The following SENP7 variants were observed in gnomAD, a reference collection of about 807,000 sequenced individuals.
SENP7 encodes SUMO specific peptidase 7, also known as sentrin-specific protease 7.
SENP7 carries 64 observed loss-of-function variants against 141.2 expected under a neutral mutation model. The ratio of observed to expected loss-of-function variants is 0.45; its 90% CI spans 0.37 to 0.56. The LOEUF is 0.56. Among genes scored for constraint, SENP7 ranks in the 20% least tolerant of loss-of-function variants. SENP7 has a pLI of 0.00. For synonymous variants in SENP7, 382 were observed against 426.4 expected, an observed-to-expected ratio of 0.90 and a Z score of 1.28; for missense variants, 1,025 against 1,212.2, an observed-to-expected ratio of 0.85 and a Z score of 2.29.
chr3:101,404,160 C>T (rs2061233373), intron 5 of SENP7, among the ~76,000 whole-genome samples: 1 of 152,092 alleles, frequency 6.6e-6, no homozygotes, highest in Non-Finnish European at 1.5e-5. Flanking sequence ...CCTTACATCC[C>T]TTCAAACCAT....
At chr3:101,463,054 T>A (rs1007006676) in intron 3 of SENP7, among the ~76,000 whole-genome samples, 3 of 151,646 alleles carry the variant, frequency 2.0e-5, no homozygotes, top group Non-Finnish European at 4.4e-5. Flanking sequence ...TTTCTACACA[T>A]CAATAACAAA....
rs138046947 is a variant in SENP7 at position 101,379,252 on chromosome 3, T to C, written c.678-7126A>G. 7.9e-5 allele frequency among the ~76,000 whole-genome samples: 12 copies of C among 152,308 alleles called. No individual in the cohort carries two copies. The East Asian group carries it at 2.3e-3, about 29-fold the overall frequency. ...ATTAACACAAAATGGATCAGAGACC[T>C]AAGCATAAGGCATAAAGCTATTTTG... On this transcript the variant is annotated intron_variant, in intron 6 of 23. Transcript: ENST00000394095.
chr3:101,442,580 G>A (rs2062721807), intron 4 of SENP7, among the ~76,000 whole-genome samples: 1 of 152,016 alleles, frequency 6.6e-6, no homozygotes, highest in Non-Finnish European at 1.5e-5. Flanking sequence ...TGGCTCCAGG[G>A]GTTGGGGATC....
chr3:101,364,554 T>C (rs1295919768), intron 10 of SENP7, among the ~76,000 whole-genome samples: 1 of 152,134 alleles, frequency 6.6e-6, no homozygotes, highest in Non-Finnish European at 1.5e-5. Context: ...AAAATGTTAG[T>C]GAAATGTCCA....
intron 4 of SENP7, among the ~76,000 whole-genome samples, chr3:101,442,374 G>A (rs1470661308): frequency 1.3e-5 from 2 of 152,152 alleles, no homozygotes; most frequent in African/African-American, 4.8e-5. Context: ...CATCAGGCAT[G>A]AGATTCTCAC....
rs9682848 is a variant in SENP7 at position 101,451,263 on chromosome 3, T to A, written c.284+7692A>T. On this transcript the variant is annotated intron_variant, in intron 4 of 23. Transcript: ENST00000394095. ...CAAAAAAGTCCAGGACCAGATGGAT[T>A]CACAGCCGAATTCTACCAGAGGTAC... Among the ~76,000 whole-genome samples the A allele has an allele frequency of 8.5e-3, 1,290 of 152,304 alleles. 22 individuals carry two copies. Among genetic ancestry groups the A allele is most frequent in the African/African-American group, 0.03 (1,250 of 41,552 alleles).
intron 4 of SENP7, among the ~76,000 whole-genome samples, chr3:101,418,318 T>G (rs2061685002): frequency 6.6e-6 from 1 of 151,260 alleles, no homozygotes; most frequent in Non-Finnish European, 1.5e-5. Flanking sequence ...CCTATACCAA[T>G]TTCAAAAAAA....
chr3:101,413,886 G>T (rs1191657223), intron 5 of SENP7, among the ~76,000 whole-genome samples: 1 of 152,172 alleles, frequency 6.6e-6, no homozygotes, highest in Non-Finnish European at 1.5e-5. Flanking sequence ...GCAAAGGCGA[G>T]ATCATTAAGG....
chr3:101,509,242 A>G (rs1031237605), intron 1 of SENP7, among the ~76,000 whole-genome samples: 1 of 152,054 alleles, frequency 6.6e-6, no homozygotes, highest in African/African-American at 2.4e-5. Context: ...CTTGTTCTAG[A>G]AATATTTCCT....
chr3:101,438,875 C>T (rs956117100), intron 4 of SENP7, among the ~76,000 whole-genome samples: 32 of 151,472 alleles, frequency 2.1e-4, no homozygotes, highest in African/African-American at 7.0e-4. Flanking sequence ...GGACGGGCCC[C>T]GCGGGGCCCG....
chr3:101,429,525 T>C (rs939445187), intron 4 of SENP7, among the ~76,000 whole-genome samples: 14 of 152,240 alleles, frequency 9.2e-5, no homozygotes, highest in Admixed American at 9.2e-4. Flanking sequence ...CTTGTGATTT[T>C]TGCACATTGA....
intron 11 of SENP7, among the ~76,000 whole-genome samples, chr3:101,359,919 T>A (rs1279659767): frequency 6.6e-6 from 1 of 151,842 alleles, no homozygotes; most frequent in Non-Finnish European, 1.5e-5. Context: ...ATATAATTAA[T>A]ATATTAATTA....
At chr3:101,426,507 T>A (rs2061964028) in intron 4 of SENP7, among the ~76,000 whole-genome samples, 2 of 149,486 alleles carry the variant, frequency 1.3e-5, no homozygotes, top group African/African-American at 4.9e-5. Context: ...TTAGATAGAG[T>A]CTCGCTCTGC....
chr3:101,372,158 TA>T, intron 6 of SENP7, 32 bp from the exon 7 acceptor site: 1 of 1,179,178 alleles, frequency 8.5e-7, no homozygotes, highest in Non-Finnish European at 1.2e-6. Flanking sequence ...TACTCAATTC[TA>T]ATAAAGCCCA....
intron 14 of SENP7, among the ~76,000 whole-genome samples, chr3:101,342,368 A>G (rs1246039864): frequency 2.0e-5 from 3 of 152,200 alleles, no homozygotes; most frequent in African/African-American, 2.4e-5. Context: ...TTTGGCAGAG[A>G]TATACAAGCT....
intron 5 of SENP7, among the ~76,000 whole-genome samples, chr3:101,402,616 CA>C (rs58525002): frequency 1.3e-4 from 12 of 93,652 alleles, no homozygotes; most frequent in South Asian, 4.3e-4. Flanking sequence ...GACTCCGTCT[CA>C]AAAAAAAAAA....
intron 1 of SENP7, among the ~76,000 whole-genome samples, chr3:101,504,888 C>T (rs892140042): frequency 6.6e-6 from 1 of 152,034 alleles, no homozygotes; most frequent in East Asian, 1.9e-4. Flanking sequence ...GGTACAGTGA[C>T]ACCACCTGTG....
At chr3:101,476,277 G>A (rs1000000241) in intron 3 of SENP7, among the ~76,000 whole-genome samples, 2 of 151,056 alleles carry the variant, frequency 1.3e-5, no homozygotes, top group Admixed American at 1.3e-4. Flanking sequence ...AGGCCCCAGT[G>A]TGTGATGTTC....
chr3:101,328,004 T>C (rs1456158264), intron 22 of SENP7, among the ~76,000 whole-genome samples, 188 bp from the exon 23 acceptor site: 2 of 152,196 alleles, frequency 1.3e-5, no homozygotes, highest in South Asian at 4.1e-4. Context: ...AAATATGTAA[T>C]GTGATTTTCA....
Sources: allele counts gnomAD v4.1 joint callset (sites outside exome capture counted in the v4.1 genomes callset), GRCh38; gene constraint gnomAD v4.1.1; transcripts MANE v1.5; gene names NCBI Gene and HGNC (gene_info 2026-07-23, HGNC 2026-07-21).